SLC5A12: variants seen among roughly 807,000 people sequenced by gnomAD.
SLC5A12 encodes solute carrier family 5 member 12.
In SLC5A12, 46 loss-of-function variants were observed where a neutral mutation model predicts 72.7. That is an observed-to-expected ratio of 0.63 (90% CI 0.50 to 0.81). The LOEUF (loss-of-function observed/expected upper bound fraction) is 0.81, where lower values mean the gene tolerates loss of function less well. Ranked by LOEUF, SLC5A12 falls within the 30% of genes least tolerant of loss-of-function variation. The pLI, the probability that SLC5A12 is intolerant of heterozygous loss-of-function variation, is 0.00. For synonymous variants in SLC5A12, 275 were observed against 264.4 expected, an observed-to-expected ratio of 1.04 and a Z score of -0.39; for missense variants, 683 against 740.7, an observed-to-expected ratio of 0.92 and a Z score of 0.90.
At chr11:26,672,074 C>T (rs954220200) in intron 14 of SLC5A12, among the ~76,000 whole-genome samples, 1 of 152,086 alleles carries the variant, frequency 6.6e-6, no homozygotes, top group Admixed American at 6.6e-5. Flanking sequence ...ACAGTTTTGC[C>T]CAGTTCCAAT....
intron 4 of SLC5A12, among the ~76,000 whole-genome samples, chr11:26,707,517 T>C (rs901246127): frequency 6.6e-6 from 1 of 152,008 alleles, no homozygotes; most frequent in African/African-American, 2.4e-5. Context: ...TTCTTGTCTC[T>C]CTGTTATTCT....
At position 26,670,244 on chromosome 11, in the gene SLC5A12, T is replaced by C. The variant is rs7932456; in HGVS notation, c.*858A>G. 0.16 allele frequency: 24,510 copies of C among 152,032 alleles called. 2,284 individuals carry two copies. Among genetic ancestry groups the C allele is most frequent in the East Asian group, 0.33 (1,713 of 5,156 alleles). 9.4% of individuals were successfully genotyped at this position (152,032 alleles called of 1,614,324 possible). ...AATCTCCTATGGTCTGTTACAATATTTGCAACGTTCTTTTACCAAATTCTA... is the reference window on the plus strand; with the variant it reads ...AATCTCCTATGGTCTGTTACAATATCTGCAACGTTCTTTTACCAAATTCTA... On this transcript the variant is annotated 3_prime_UTR_variant, in exon 15 of 15. Transcript: ENST00000396005.
chr11:26,685,619 CAAACAAAA>C (rs946718262), intron 10 of SLC5A12, among the ~76,000 whole-genome samples: 9 of 146,158 alleles, frequency 6.2e-5, no homozygotes, highest in African/African-American at 2.1e-4. Context: ...AAAAAACAAA[CAAACAAAA>C]AAACAAAAAA....
Position 26,721,946 on chromosome 11 carries a change from G to C in SLC5A12, c.-232C>G. 1.9e-6 allele frequency: 1 copy of C among 524,920 alleles called. No individual in the cohort carries two copies. 32.5% of individuals were successfully genotyped at this position (524,920 alleles called of 1,614,324 possible). On this transcript the variant is annotated 5_prime_UTR_variant, in exon 1 of 15. It adds an upstream start codon to the 5' untranslated region. Coordinates refer to ENST00000396005, the MANE Select transcript of SLC5A12 (RefSeq NM_178498.4). Reference sequence around the variant, plus strand: ...TCTGGTGGTGGTATTGGCACCAAGAGATGAGAATTTGAAATCTGACCCTAG... The same window carrying C: ...TCTGGTGGTGGTATTGGCACCAAGACATGAGAATTTGAAATCTGACCCTAG...
At chr11:26,688,719 A>T (rs568354777) in intron 9 of SLC5A12, among the ~76,000 whole-genome samples, 1 of 152,336 alleles carries the variant, frequency 6.6e-6, no homozygotes, top group Admixed American at 6.5e-5. Flanking sequence ...AAGAGAAAAC[A>T]AGATGAAAAG....
At chr11:26,699,329 C>G (rs1854903185) in intron 6 of SLC5A12, among the ~76,000 whole-genome samples, 1 of 152,186 alleles carries the variant, frequency 6.6e-6, no homozygotes, top group South Asian at 2.1e-4. Context: ...TGTCTAAGAT[C>G]TAGTCATTGT....
intron 13 of SLC5A12, among the ~76,000 whole-genome samples, chr11:26,677,196 T>C (rs1368139498): frequency 1.3e-5 from 2 of 151,992 alleles, no homozygotes; most frequent in Non-Finnish European, 2.9e-5. Context: ...AATTAGACTT[T>C]GTTAGAGTGT....
chr11:26,673,177 T>G (rs1854183770), intron 14 of SLC5A12, among the ~76,000 whole-genome samples: 1 of 152,214 alleles, frequency 6.6e-6, no homozygotes, highest in African/African-American at 2.4e-5. Context: ...ACTGACCACC[T>G]GCAATGCCAG....
chr11:26,677,883 G>T (rs1343420577), intron 13 of SLC5A12, among the ~76,000 whole-genome samples: 1 of 152,072 alleles, frequency 6.6e-6, no homozygotes, highest in Non-Finnish European at 1.5e-5. Flanking sequence ...AAATTTTTTA[G>T]CTAAAATACA....
At chr11:26,705,796 T>C (rs143719901) in intron 4 of SLC5A12, among the ~76,000 whole-genome samples, 5 of 152,146 alleles carry the variant, frequency 3.3e-5, no homozygotes, top group Non-Finnish European at 7.4e-5. Flanking sequence ...TGCAGAAATC[T>C]GCATAAACTT....
chr11:26,690,646 T>TAAAA lies in SLC5A12; in HGVS notation c.1153+1839_1153+1842dup, dbSNP rs747754564. ...ACCAACATGGAGAAACCACCTCTAC[T>TAAAA]AAAAAAAAAAAAAAAAAAAAAATTA... On this transcript the variant is annotated intron_variant, in intron 9 of 14. Transcript: ENST00000396005. Among the ~76,000 whole-genome samples the TAAAA allele has an allele frequency of 3.3e-3, 305 of 92,716 alleles. 8 individuals are homozygous for TAAAA. The highest frequency in any genetic ancestry group is 0.011 in the African/African-American group (276 of 24,642). 60.8% of individuals were successfully genotyped at this position (92,716 alleles called of 152,430 possible). A position where few individuals can be genotyped will look rare whatever the true frequency, so the allele number is the denominator to read the frequency against.
In SLC5A12 at chr11:26,697,889, C is replaced by T. The variant is rs1414141450; in HGVS notation, c.951+517G>A. On this transcript the variant is annotated intron_variant, in intron 7 of 14. Transcript: ENST00000396005. ...TGTCTTTAAGAACAAGGTGAGATGC[C>T]GTCTTTTTTTTTTTTTTTTTTTTTT... is the stretch of plus-strand genomic sequence containing the variant. Among the ~76,000 whole-genome samples the T allele has an allele frequency of 6.8e-5, 8 of 118,146 alleles. No individual in the cohort carries two copies. The East Asian group carries it at 1.5e-3, about 23-fold the overall frequency. The allele number at this position is 118,146 out of a possible 152,430, so 77.5% of individuals were successfully genotyped here. A position where few individuals can be genotyped will look rare whatever the true frequency, so the allele number is the denominator to read the frequency against.
At chr11:26,678,190 G>A (rs370760778) in intron 13 of SLC5A12, among the ~76,000 whole-genome samples, 3 of 152,248 alleles carry the variant, frequency 2.0e-5, no homozygotes, top group East Asian at 3.9e-4. Context: ...TAGTAAGATG[G>A]TGATGACAAA....
intron 4 of SLC5A12, among the ~76,000 whole-genome samples, chr11:26,704,932 T>C (rs182029546): frequency 7.2e-5 from 11 of 152,086 alleles, no homozygotes; most frequent in African/African-American, 2.7e-4. Flanking sequence ...AGGAATGAGT[T>C]TGAAGAGCTA....
intron 4 of SLC5A12, among the ~76,000 whole-genome samples, chr11:26,704,358 A>G (rs1443846684): frequency 1.6e-4 from 24 of 152,308 alleles, no homozygotes; most frequent in Non-Finnish European, 1.5e-4. Flanking sequence ...AGCGGGAACC[A>G]GCATGTGTGA....
At position 26,668,302 on chromosome 11, in the gene SLC5A12, G is replaced by T. The variant is rs1273819865; in HGVS notation, c.*2800C>A. The T allele has an allele frequency of 6.6e-6, 1 of 152,020 alleles. No homozygotes were observed. The highest frequency in any genetic ancestry group is 1.9e-4 in the East Asian group (1 of 5,182). The allele number at this position is 152,020 out of a possible 1,614,324, so 9.4% of individuals were successfully genotyped here. ...TCCATTTTTACCAATATCTGTGGTT[G>T]TGCTTTAAAGGTACAGTGGTGAGTA... is the stretch of plus-strand genomic sequence containing the variant. On this transcript the variant is annotated 3_prime_UTR_variant, in exon 15 of 15. Transcript: ENST00000396005.
At position 26,673,517 on chromosome 11, in the gene SLC5A12, C is replaced by T. The variant is rs942781578; in HGVS notation, c.1592G>A (p.Gly531Asp). The change falls in exon 14 of 15, where the codon GGT becomes GAT. Residue 531 changes from glycine (G) to aspartate (D), a missense_variant. Physicochemically the swap from Gly to Asp is moderately conservative, Grantham distance 94 (BLOSUM62 -1). Coordinates refer to ENST00000396005, the MANE Select transcript of SLC5A12 (RefSeq NM_178498.4). ...IISLITGRQR[G>D]EDIQPLLIRP... ...AATTAACAGTGGTTGAATATCCTCA[C>T]CTCTTTGGCGACCTATTAACAAAAG... 6.2e-6 allele frequency: 10 copies of T among 1,606,082 alleles called. No individual in the cohort carries two copies. The highest frequency in any genetic ancestry group is 1.3e-5 in the African/African-American group (1 of 74,622).
intron 11 of SLC5A12, 67 bp from the exon 12 acceptor site, chr11:26,681,288 G>T (rs1565186448): frequency 7.4e-7 from 1 of 1,353,352 alleles, no homozygotes; most frequent in East Asian, 2.6e-5. Flanking sequence ...ATAATGAGAT[G>T]AGGAGTTCTA....
At chr11:26,710,816 A>G (rs546883704) in intron 3 of SLC5A12, among the ~76,000 whole-genome samples, 1 of 152,170 alleles carries the variant, frequency 6.6e-6, no homozygotes, top group Non-Finnish European at 1.5e-5. Context: ...AGGACTTTCA[A>G]TACGGCAGGT....
Sources: allele counts gnomAD v4.1 joint callset (sites outside exome capture counted in the v4.1 genomes callset), GRCh38; gene constraint gnomAD v4.1.1; transcripts MANE v1.5; gene names NCBI Gene and HGNC (gene_info 2026-07-23, HGNC 2026-07-21).